BNC2: variants seen among roughly 807,000 people sequenced by gnomAD.
The protein encoded by BNC2 is zinc finger protein basonuclin-2.
Under a neutral mutation model 76.3 loss-of-function variants are expected in BNC2, and 20 were observed. The ratio of observed to expected loss-of-function variants is 0.26; its 90% CI spans 0.18 to 0.38. The LOEUF is 0.38. Ranked by LOEUF, BNC2 falls within the 10% of genes least tolerant of loss-of-function variation. The pLI is 1.00. For missense variants in BNC2, 1,382 were observed against 1,399.8 expected (o/e 0.99, Z 0.20); for synonymous variants, 582 against 514.8 (o/e 1.13, Z -1.77).
At chr9:16,817,586 G>C (rs1050881996) in intron 1 of BNC2, among the ~76,000 whole-genome samples, 5 of 152,150 alleles carry the variant, frequency 3.3e-5, no homozygotes, top group Non-Finnish European at 1.5e-5. Context: ...GATAAACTGA[G>C]CAGTATTGAT....
intron 5 of BNC2, among the ~76,000 whole-genome samples, chr9:16,533,609 C>A (rs1297456207): frequency 6.6e-6 from 1 of 151,998 alleles, no homozygotes. Flanking sequence ...TAAAACTAAA[C>A]CTAGGTAGGA....
intron 3 of BNC2, among the ~76,000 whole-genome samples, chr9:16,674,069 T>C (rs918860150): frequency 3.9e-5 from 6 of 152,254 alleles, no homozygotes; most frequent in African/African-American, 1.4e-4. Context: ...TTCGGACTAA[T>C]ATTCCACTCA....
intron 3 of BNC2, among the ~76,000 whole-genome samples, chr9:16,674,137 T>G (rs1346297655): frequency 1.3e-5 from 2 of 152,232 alleles, no homozygotes; most frequent in African/African-American, 4.8e-5. Context: ...ATCCTCATCT[T>G]TGTTTTAGTG....
chr9:16,569,505 C>T (rs1286221469), intron 4 of BNC2, among the ~76,000 whole-genome samples: 1 of 152,030 alleles, frequency 6.6e-6, no homozygotes, highest in Non-Finnish European at 1.5e-5. Flanking sequence ...ATGGCATTTC[C>T]CCCTGTGGCC....
At chr9:16,813,309 AGGCTGGAGTGCAGTGGTGCGATCTC>A (rs1442252559) in intron 1 of BNC2, among the ~76,000 whole-genome samples, 2 of 150,434 alleles carry the variant, frequency 1.3e-5, no homozygotes, top group Non-Finnish European at 1.5e-5. Context: ...TCTGTCGCCC[AGGCTGGAGTGCAGTGGTGCGATCTC>A]GGCTCACTGC....
intron 1 of BNC2, among the ~76,000 whole-genome samples, chr9:16,809,868 A>G (rs1818003082): frequency 6.6e-6 from 1 of 152,242 alleles, no homozygotes; most frequent in Non-Finnish European, 1.5e-5. Flanking sequence ...ATAAAGGAAT[A>G]AAATTTGAAT....
At chr9:16,557,500 G>A (rs1189098196) in intron 4 of BNC2, among the ~76,000 whole-genome samples, 2 of 149,234 alleles carry the variant, frequency 1.3e-5, no homozygotes, top group East Asian at 4.0e-4. Context: ...CTCTGTCACA[G>A]GATTTAAAAA....
chr9:16,706,736 A>G (rs1205649430), intron 3 of BNC2, among the ~76,000 whole-genome samples: 1 of 152,178 alleles, frequency 6.6e-6, no homozygotes, highest in South Asian at 2.1e-4. Context: ...TAGCCAAGCC[A>G]TGCTAATTCA....
At chr9:16,652,858 AC>A (rs1821830964) in intron 3 of BNC2, among the ~76,000 whole-genome samples, 1 of 152,068 alleles carries the variant, frequency 6.6e-6, no homozygotes, top group Non-Finnish European at 1.5e-5. Context: ...TAACTGAAAC[AC>A]CTTCTACTTG....
At position 16,413,680 on chromosome 9, in the gene BNC2, C is replaced by T. The variant is rs938876921; in HGVS notation, c.*5309G>A. On this transcript the variant is annotated 3_prime_UTR_variant, in exon 7 of 7. Transcript: ENST00000380672. ...ATGACCATTTATGGTGAGCAACACT[C>T]CAGCTACAGGAAATATGCGACTCGT... 14 of 152,156 alleles carry T rather than the reference C, an allele frequency of 9.2e-5. No individual in the cohort carries two copies. Among genetic ancestry groups the T allele is most frequent in the African/African-American group, 3.4e-4 (14 of 41,424 alleles). 9.4% of individuals were successfully genotyped at this position (152,156 alleles called of 1,614,324 possible). A position where few individuals can be genotyped will look rare whatever the true frequency, so the allele number is the denominator to read the frequency against.
intron 3 of BNC2, chr9:16,665,273 G>C (rs1260254811): frequency 2.9e-6 from 1 of 350,796 alleles, no homozygotes; most frequent in African/African-American, 2.2e-5. Flanking sequence ...CAGAGGCTGA[G>C]GCAGGAGAAC....
At chr9:16,439,240 G>A (rs1055263536) in intron 5 of BNC2, among the ~76,000 whole-genome samples, 2 of 152,030 alleles carry the variant, frequency 1.3e-5, no homozygotes, top group African/African-American at 4.8e-5. Context: ...ACATGGGAAT[G>A]GACAAACACA....
intron 5 of BNC2, among the ~76,000 whole-genome samples, chr9:16,446,500 G>C (rs1243742976): frequency 6.6e-6 from 1 of 151,842 alleles, no homozygotes; most frequent in Non-Finnish European, 1.5e-5. Flanking sequence ...TTTCACAATG[G>C]AAAGGATATA....
intron 3 of BNC2, among the ~76,000 whole-genome samples, chr9:16,598,610 C>T (rs1422835907): frequency 3.3e-5 from 5 of 152,152 alleles, no homozygotes; most frequent in Admixed American, 3.3e-4. Flanking sequence ...CTTCTAAGTC[C>T]ACATGCCTTA....
At chr9:16,559,596 G>C (rs917391464) in intron 4 of BNC2, among the ~76,000 whole-genome samples, 1 of 152,160 alleles carries the variant, frequency 6.6e-6, no homozygotes, top group Non-Finnish European at 1.5e-5. Context: ...TCATCATGTC[G>C]GAAGTCCCTA....
At chr9:16,848,670 G>C (rs537867940) in intron 1 of BNC2, among the ~76,000 whole-genome samples, 8 of 152,144 alleles carry the variant, frequency 5.3e-5, no homozygotes, top group African/African-American at 1.7e-4. Flanking sequence ...TTATAAAAAA[G>C]ACTTTGGGAT....
chr9:16,783,484 C>T (rs10122736), intron 1 of BNC2, among the ~76,000 whole-genome samples: 18,206 of 152,198 alleles, frequency 0.12, 1,350 homozygotes, highest in East Asian at 0.31. Flanking sequence ...GCTACGCTTA[C>T]GCTTCTGCAT....
intron 5 of BNC2, among the ~76,000 whole-genome samples, chr9:16,546,921 A>ATTTTTTACACCCTTTT (rs1818501497): frequency 6.6e-6 from 1 of 152,232 alleles, no homozygotes; most frequent in African/African-American, 2.4e-5. Flanking sequence ...TCCTCCTTCC[A>ATTTTTTACACCCTTTT]ATATTTAATA....
chr9:16,713,252 T>C (rs1019155465), intron 3 of BNC2, among the ~76,000 whole-genome samples: 31 of 152,158 alleles, frequency 2.0e-4, no homozygotes, highest in African/African-American at 7.5e-4. Context: ...TGCAAAGGGA[T>C]ACTTACATAG....
Sources: gnomAD v4.1 joint callset for allele counts (sites outside exome capture counted in the v4.1 genomes callset) on GRCh38, gnomAD v4.1.1 for gene constraint, MANE v1.5 for transcripts, NCBI Gene and HGNC (gene_info 2026-07-23, HGNC 2026-07-21) for gene names.